Variants in ELMO1 observed in about 807,000 individuals in gnomAD.
ELMO1 encodes the protein engulfment and cell motility protein 1.
In ELMO1, 26 loss-of-function variants were observed where a neutral mutation model predicts 98.9. The ratio of observed to expected loss-of-function variants is 0.26; its 90% CI spans 0.19 to 0.36. The LOEUF (loss-of-function observed/expected upper bound fraction) is 0.36, where lower values mean the gene tolerates loss of function less well. Ranked by LOEUF, ELMO1 falls within the 10% of genes least tolerant of loss-of-function variation. The pLI is 1.00. For synonymous variants in ELMO1, 346 were observed against 346.0 expected (o/e 1.00, Z 0.00); for missense variants, 627 against 935.2 (o/e 0.67, Z 4.30).
intron 14 of ELMO1, among the ~76,000 whole-genome samples, chr7:37,132,012 G>A (rs1296815410): frequency 6.6e-6 from 1 of 152,116 alleles, no homozygotes; most frequent in South Asian, 2.1e-4. Flanking sequence ...CACACCACTA[G>A]GCATGGTGAC....
intron 21 of ELMO1, among the ~76,000 whole-genome samples, chr7:36,858,462 G>A (rs1377953799): frequency 6.6e-6 from 1 of 152,178 alleles, no homozygotes; most frequent in Non-Finnish European, 1.5e-5. Context: ...GAATTATATT[G>A]CAGATTGCGG....
rs554469269 is a variant in ELMO1, at chr7:37,285,912, C to T, written c.193-14030G>A. 6.6e-5 allele frequency among the ~76,000 whole-genome samples: 10 copies of T among 152,014 alleles called. No individual in the cohort carries two copies. In the South Asian group the frequency reaches 8.3e-4, roughly 13 times the overall value. ...AGTTTTAACTTACCCCTCAATCAAA[C>T]GACATGTGCAAATGCTTAAACATGG... On this transcript the variant is annotated intron_variant, in intron 4 of 21. Transcript: ENST00000310758.
At chr7:37,175,708 G>T (rs182338858) in intron 13 of ELMO1, among the ~76,000 whole-genome samples, 115 of 152,240 alleles carry the variant, frequency 7.6e-4, no homozygotes, top group African/African-American at 2.7e-3. Flanking sequence ...TTAGCTGGGC[G>T]TGGTGGTGCA....
chr7:37,221,686 G>A (rs1793605385), intron 10 of ELMO1, among the ~76,000 whole-genome samples: 1 of 146,360 alleles, frequency 6.8e-6, no homozygotes, highest in African/African-American at 2.6e-5. Context: ...TATATTAAGG[G>A]GTTCCTTCCT....
chr7:37,132,638 G>T (rs968446259), intron 14 of ELMO1, among the ~76,000 whole-genome samples: 4 of 152,146 alleles, frequency 2.6e-5, no homozygotes, highest in African/African-American at 9.7e-5. Flanking sequence ...ACTTCCTTCT[G>T]CTCCACCCAC....
intron 1 of ELMO1, among the ~76,000 whole-genome samples, chr7:37,405,895 C>A (rs1803737617): frequency 6.6e-6 from 1 of 152,198 alleles, no homozygotes; most frequent in Admixed American, 6.5e-5. Flanking sequence ...AGAGAGCTGA[C>A]CACGAGAGCA....
chr7:37,147,487 C>G (rs1345414582), intron 13 of ELMO1, among the ~76,000 whole-genome samples: 1 of 152,188 alleles, frequency 6.6e-6, no homozygotes, highest in Non-Finnish European at 1.5e-5. Flanking sequence ...AAGACCACCT[C>G]CAAGTGTCAC....
intron 14 of ELMO1, among the ~76,000 whole-genome samples, chr7:37,108,616 A>C (rs1785066106): frequency 6.6e-6 from 1 of 152,140 alleles, no homozygotes; most frequent in African/African-American, 2.4e-5. Context: ...TTCTTAAAAC[A>C]ATTCCCATTT....
chr7:37,011,371 C>T (rs556142509), intron 16 of ELMO1, among the ~76,000 whole-genome samples: 2 of 152,242 alleles, frequency 1.3e-5, no homozygotes, highest in African/African-American at 2.4e-5. Context: ...CTGGGGCCTC[C>T]GGCTTCCTTT....
chr7:37,126,807 T>C (rs1786554271), intron 14 of ELMO1, among the ~76,000 whole-genome samples: 1 of 152,230 alleles, frequency 6.6e-6, no homozygotes, highest in African/African-American at 2.4e-5. Context: ...TAATATTTCA[T>C]GAAAAAGTCA....
At chr7:36,894,135 C>T (rs747759823) in intron 17 of ELMO1, among the ~76,000 whole-genome samples, 2 of 152,122 alleles carry the variant, frequency 1.3e-5, no homozygotes, top group Non-Finnish European at 2.9e-5. Context: ...GCTCTTAGAA[C>T]AGGAGAAAGG....
intron 15 of ELMO1, among the ~76,000 whole-genome samples, chr7:37,058,746 A>G (rs539132342): frequency 1.3e-5 from 2 of 152,176 alleles, no homozygotes; most frequent in African/African-American, 2.4e-5. Flanking sequence ...TAGGAAACCA[A>G]CTGGCCCTGA....
intron 16 of ELMO1, among the ~76,000 whole-genome samples, chr7:36,915,867 G>A (rs1220097940): frequency 3.3e-5 from 5 of 152,128 alleles, no homozygotes; most frequent in African/African-American, 9.7e-5. Context: ...TGAGACAGAA[G>A]TACTTATAAA....
At chr7:37,407,502 C>A (rs1320848036) in intron 1 of ELMO1, among the ~76,000 whole-genome samples, 1 of 125,842 alleles carries the variant, frequency 7.9e-6, no homozygotes, top group African/African-American at 3.0e-5. Flanking sequence ...AGTGAAACTC[C>A]ATCTCAAAAA....
At chr7:37,275,964 T>C (rs1006129986) in intron 4 of ELMO1, among the ~76,000 whole-genome samples, 7 of 152,164 alleles carry the variant, frequency 4.6e-5, no homozygotes, top group African/African-American at 1.4e-4. Flanking sequence ...TAAACTTCAT[T>C]AAGAAAGAAA....
intron 14 of ELMO1, among the ~76,000 whole-genome samples, chr7:37,104,010 CAAAAAAAAAAAAAAAAAA>C (rs35979251): frequency 4.5e-4 from 13 of 29,018 alleles, no homozygotes; most frequent in Non-Finnish European, 7.5e-4. Flanking sequence ...GACTCCATCT[CAAAAAAAAAAAAAAAAAA>C]AAAAAAAAAA....
At chr7:37,416,178 C>A (rs1317135469) in intron 1 of ELMO1, among the ~76,000 whole-genome samples, 1 of 151,852 alleles carries the variant, frequency 6.6e-6, no homozygotes, top group African/African-American at 2.4e-5. Context: ...GTTGCACTTA[C>A]TTCCTAAATC....
intron 16 of ELMO1, among the ~76,000 whole-genome samples, chr7:36,961,517 A>G (rs1036519575): frequency 6.6e-6 from 1 of 152,246 alleles, no homozygotes; most frequent in Non-Finnish European, 1.5e-5. Flanking sequence ...AGATGAGTGA[A>G]AGATAAAATA....
intron 14 of ELMO1, among the ~76,000 whole-genome samples, chr7:37,119,832 C>G (rs955606767): frequency 1.3e-5 from 2 of 152,118 alleles, no homozygotes; most frequent in African/African-American, 4.8e-5. Flanking sequence ...AATTCATTAT[C>G]TTCTATAACA....
Sources: allele counts gnomAD v4.1 joint callset (sites outside exome capture counted in the v4.1 genomes callset), GRCh38; gene constraint gnomAD v4.1.1; transcripts MANE v1.5; gene names NCBI Gene and HGNC (gene_info 2026-07-23, HGNC 2026-07-21).